Variants in CCDC60 observed in about 807,000 individuals in gnomAD.
CCDC60 encodes coiled-coil domain-containing protein 60.
In CCDC60, 54 loss-of-function variants were observed where a neutral mutation model predicts 63.5. That is an observed-to-expected ratio of 0.85 (90% confidence interval 0.68 to 1.07). CCDC60 has a LOEUF of 1.07. Ranked by LOEUF, CCDC60 falls within the 50% of genes least tolerant of loss-of-function variation. The probability of loss-of-function intolerance (pLI) is 0.00; values close to 1 mark genes in which losing one functional copy is unlikely to be tolerated. For missense variants in CCDC60, 651 were observed against 684.3 expected (o/e 0.95, Z 0.54); for synonymous variants, 206 against 238.8 (o/e 0.86, Z 1.27).
intron 1 of CCDC60, among the ~76,000 whole-genome samples, chr12:119,392,015 C>T (rs757916477): frequency 2.6e-5 from 4 of 152,286 alleles, no homozygotes; most frequent in Non-Finnish European, 4.4e-5. Flanking sequence ...TGGAAGTATT[C>T]AGCAATCTGT....
rs1166966377 is a variant in CCDC60, at chr12:119,335,273, C to T, written c.90+7C>T. On this transcript the variant is annotated splice_region_variant and intron_variant, in intron 1 of 13. Coordinates refer to ENST00000327554, the MANE Select transcript of CCDC60 (RefSeq NM_178499.5). ...CTCGGAGAACCTAAGGCAGGTAAGT[C>T]TCCCCTCTGCTGAAACCAATCATGT... is the stretch of plus-strand genomic sequence containing the variant. 1.9e-6 allele frequency: 3 copies of T among 1,581,760 alleles called. No individual in the cohort carries two copies. Among genetic ancestry groups the T allele is most frequent in the Admixed American group, 3.7e-5 (2 of 53,888 alleles).
chr12:119,449,667 G>A (rs779832785), intron 2 of CCDC60, among the ~76,000 whole-genome samples: 13 of 152,148 alleles, frequency 8.5e-5, no homozygotes, highest in Non-Finnish European at 1.9e-4. Flanking sequence ...TTCTGAGGAC[G>A]CAGGAAAGAC....
At chr12:119,529,228 G>T (rs1952771478) in intron 12 of CCDC60, among the ~76,000 whole-genome samples, 1 of 152,072 alleles carries the variant, frequency 6.6e-6, no homozygotes, top group African/African-American at 2.4e-5. Flanking sequence ...TGAATTGAGT[G>T]ATTACTGGAT....
At chr12:119,511,178 C>A (rs900099275) in intron 7 of CCDC60, among the ~76,000 whole-genome samples, 5 of 152,158 alleles carry the variant, frequency 3.3e-5, no homozygotes, top group Non-Finnish European at 5.9e-5. Context: ...AACCTCCATC[C>A]AATTTGTCAC....
At chr12:119,536,920 T>C (rs1488084993) in intron 13 of CCDC60, among the ~76,000 whole-genome samples, 1 of 152,184 alleles carries the variant, frequency 6.6e-6, no homozygotes, top group African/African-American at 2.4e-5. Flanking sequence ...AGTATCTTTG[T>C]GGTGTTCTCT....
intron 13 of CCDC60, among the ~76,000 whole-genome samples, chr12:119,537,196 T>G (rs1321081352): frequency 5.9e-5 from 9 of 152,210 alleles, no homozygotes; most frequent in Non-Finnish European, 1.3e-4. Flanking sequence ...TCCACTAGAT[T>G]GAATCGGCTA....
At chr12:119,467,568 C>T (rs761479558) in intron 2 of CCDC60, among the ~76,000 whole-genome samples, 24 of 152,234 alleles carry the variant, frequency 1.6e-4, no homozygotes, top group Non-Finnish European at 2.6e-4. Context: ...CTCACCAGAA[C>T]CCAACCATGC....
intron 3 of CCDC60, among the ~76,000 whole-genome samples, chr12:119,473,781 T>C (rs1224727123): frequency 6.6e-6 from 1 of 152,212 alleles, no homozygotes; most frequent in Admixed American, 6.5e-5. Context: ...AAAATGCCAT[T>C]ATTTTGTTTC....
At chr12:119,535,086 A>G (rs1952964715) in intron 13 of CCDC60, among the ~76,000 whole-genome samples, 2 of 152,150 alleles carry the variant, frequency 1.3e-5, no homozygotes, top group Admixed American at 1.3e-4. Context: ...TACTGCCTCA[A>G]TTTCAGAGCC....
intron 1 of CCDC60, among the ~76,000 whole-genome samples, chr12:119,416,136 T>C (rs1956694736): frequency 1.3e-5 from 2 of 152,098 alleles, no homozygotes; most frequent in African/African-American, 4.8e-5. Context: ...AATCCCAGCA[T>C]TCTAGGAGGC....
At chr12:119,522,759 T>C (rs1037910908) in intron 9 of CCDC60, among the ~76,000 whole-genome samples, 180 bp from the exon 10 acceptor site, 4 of 152,156 alleles carry the variant, frequency 2.6e-5, no homozygotes, top group Non-Finnish European at 4.4e-5. Flanking sequence ...GGCAGGGATA[T>C]GGCATGAGGA....
intron 1 of CCDC60, among the ~76,000 whole-genome samples, chr12:119,419,470 T>A (rs1262958408): frequency 6.6e-6 from 1 of 152,212 alleles, no homozygotes; most frequent in Non-Finnish European, 1.5e-5. Context: ...GTCCTGTCAT[T>A]GGTGATGCTA....
chr12:119,378,081 T>C (rs896762362), intron 1 of CCDC60, among the ~76,000 whole-genome samples: 4 of 152,194 alleles, frequency 2.6e-5, no homozygotes, highest in Non-Finnish European at 5.9e-5. Flanking sequence ...CTGATTCACA[T>C]AGAGCCCGAG....
intron 1 of CCDC60, among the ~76,000 whole-genome samples, chr12:119,352,531 C>A (rs912707696): frequency 1.3e-5 from 2 of 152,192 alleles, no homozygotes; most frequent in Non-Finnish European, 2.9e-5. Context: ...GAAGCTAACC[C>A]TGAAAACCAG....
intron 1 of CCDC60, among the ~76,000 whole-genome samples, chr12:119,373,453 T>TGTG (rs1236377751): frequency 2.6e-5 from 4 of 152,078 alleles, no homozygotes; most frequent in African/African-American, 9.7e-5. Flanking sequence ...CAACCCTGCT[T>TGTG]ATCACAATTG....
At chr12:119,400,204 C>G (rs921789263) in intron 1 of CCDC60, among the ~76,000 whole-genome samples, 1 of 152,098 alleles carries the variant, frequency 6.6e-6, no homozygotes, top group Non-Finnish European at 1.5e-5. Context: ...CGCCAGCCAC[C>G]ACGCCCGGCT....
At chr12:119,515,302 C>T (rs1210814880) in intron 7 of CCDC60, among the ~76,000 whole-genome samples, 1 of 152,124 alleles carries the variant, frequency 6.6e-6, no homozygotes, top group African/African-American at 2.4e-5. Context: ...TAAATATTTC[C>T]ATACTATACA....
At chr12:119,354,354 G>A (rs993388606) in intron 1 of CCDC60, among the ~76,000 whole-genome samples, 3 of 152,148 alleles carry the variant, frequency 2.0e-5, no homozygotes, top group Admixed American at 6.6e-5. Context: ...CGTCTGCCTG[G>A]ATTGTAATGG....
At chr12:119,523,357 TAAG>T (rs1952581610) in intron 10 of CCDC60, among the ~76,000 whole-genome samples, 1 of 152,242 alleles carries the variant, frequency 6.6e-6, no homozygotes, top group South Asian at 2.1e-4. Flanking sequence ...GCCACACAGC[TAAG>T]AAGTGGTGAA....
Sources: allele counts gnomAD v4.1 joint callset (sites outside exome capture counted in the v4.1 genomes callset), GRCh38; gene constraint gnomAD v4.1.1; transcripts MANE v1.5; gene names NCBI Gene and HGNC (gene_info 2026-07-23, HGNC 2026-07-21).